KCTD12: variants seen among roughly 807,000 people sequenced by gnomAD.
KCTD12 encodes the protein potassium channel tetramerization domain containing 12, also known as BTB/POZ domain-containing protein KCTD12.
Under a neutral mutation model 22.6 loss-of-function variants are expected in KCTD12, and 16 were observed. That is an observed-to-expected ratio of 0.71 (90% confidence interval 0.48 to 1.07). The LOEUF (loss-of-function observed/expected upper bound fraction) is 1.07, where lower values mean the gene tolerates loss of function less well. KCTD12 is among the 50% of genes least tolerant of loss of function. KCTD12 has a pLI of 0.00. For missense variants in KCTD12, 452 were observed against 469.2 expected, an observed-to-expected ratio of 0.96 and a Z score of 0.34; for synonymous variants, 260 against 228.0, an observed-to-expected ratio of 1.14 and a Z score of -1.26.
rs1025245308 is a variant in KCTD12, at chr13:76,883,233, C to T, written c.*1938G>A. On this transcript the variant is annotated 3_prime_UTR_variant, in exon 1 of 1. Transcript: ENST00000377474. ...CACATGAGTCTAAGAATAAAACTGT[C>T]GATTTGTAACATCTGTATGGACATA... 2.6e-5 allele frequency: 4 copies of T among 152,058 alleles called. No homozygotes were observed. Among genetic ancestry groups the T allele is most frequent in the African/African-American group, 7.2e-5 (3 of 41,390 alleles). The allele number at this position is 152,058 out of a possible 1,614,324, so 9.4% of individuals were successfully genotyped here. A position where few individuals can be genotyped will look rare whatever the true frequency, so the allele number is the denominator to read the frequency against.
chr13:76,885,788 C>G lies in KCTD12; in HGVS notation c.361G>C (p.Glu121Gln), dbSNP rs374062283. Residue 121 changes from glutamate (E) to glutamine (Q), a missense_variant, in exon 1 of 1, where the codon GAG (glutamate) becomes CAG (glutamine). Physicochemically the swap from Glu to Gln is conservative, Grantham distance 29. Transcript: ENST00000377474. The surrounding 1 kb of genome is among the most constrained non-coding windows in gnomAD (Gnocchi z 5.1). ...AGGCGGCGCACGAGCTCTGGCAGCT[C>G]GAAGTACTCGGCCTCGCGCTGCAGC... ...SRLQREAEYF[E>Q]LPELVRRLGA... The G allele has an allele frequency of 3.2e-6, 5 of 1,583,078 alleles. No individual in the cohort carries two copies. The highest frequency in any genetic ancestry group is 3.4e-5 in the Admixed American group (2 of 58,300).
In KCTD12 at chr13:76,884,015, T is replaced by C. The variant is rs1273104836; in HGVS notation, c.*1156A>G. On this transcript the variant is annotated 3_prime_UTR_variant, in exon 1 of 1. Transcript: ENST00000377474. ...GGTAAGAGTAGGTCTGTTATTAATC[T>C]TTATAAAATACTTGGCATGTTTGCA... 6.6e-6 allele frequency: 1 copy of C among 152,664 alleles called. No homozygotes were observed. Among genetic ancestry groups the C allele is most frequent in the African/African-American group, 2.4e-5 (1 of 41,464 alleles). The allele number at this position is 152,664 out of a possible 1,614,324, so 9.5% of individuals were successfully genotyped here. A position where few individuals can be genotyped will look rare whatever the true frequency, so the allele number is the denominator to read the frequency against.
chr13:76,885,282 G>A lies in KCTD12; in HGVS notation c.867C>T (p.Phe289=), dbSNP rs781436981. ...CCGTGGAGCTGCACGCCACCATGTGGAAGCCCGACTCGGACAGCTTGTCGA... is the reference window on the plus strand; with the variant it reads ...CCGTGGAGCTGCACGCCACCATGTGAAAGCCCGACTCGGACAGCTTGTCGA... The part of the protein sequence containing the change: ...QAFDKLSESG[F]HMVACSSTGT... Residue 289 remains phenylalanine, a synonymous_variant, in exon 1 of 1, where the codon TTC becomes TTT. Transcript: ENST00000377474. This position sits in a 1 kb window ranked among gnomAD's most constrained non-coding sequence, Gnocchi z 5.1. The A allele has an allele frequency of 1.2e-6, 2 of 1,613,936 alleles. No individual in the cohort carries two copies. The highest frequency in any genetic ancestry group is 1.7e-5 in the Admixed American group (1 of 59,996).
rs1278289619 is a variant in KCTD12 at position 76,880,821 on chromosome 13, A to C, written c.*4350T>G. The C allele has an allele frequency of 2.0e-5, 3 of 152,664 alleles. No homozygotes were observed. The highest frequency in any genetic ancestry group is 2.0e-4 in the Admixed American group (3 of 15,288). The allele number at this position is 152,664 out of a possible 1,614,324, so 9.5% of individuals were successfully genotyped here. A position where few individuals can be genotyped will look rare whatever the true frequency, so the allele number is the denominator to read the frequency against. On this transcript the variant is annotated 3_prime_UTR_variant, in exon 1 of 1. Transcript: ENST00000377474. Reference sequence around the variant, plus strand: ...TCAAAACACATTTAGAATTTAAAAAAACTGGCTTGGAAAAAAATCACAAAA... The same window carrying C: ...TCAAAACACATTTAGAATTTAAAAACACTGGCTTGGAAAAAAATCACAAAA...
rs1316159469 is a variant in KCTD12, at chr13:76,883,695, C to A, written c.*1476G>T. On this transcript the variant is annotated 3_prime_UTR_variant, in exon 1 of 1. Transcript: ENST00000377474. The stretch of plus-strand genomic sequence containing the variant: ...TGCAGCTCGTCATTTGAAAGGATTC[C>A]ACTTAACTTCAAACAAACTGCATGA... 6.6e-6 allele frequency: 1 copy of A among 152,632 alleles called. No homozygotes were observed. The highest frequency in any genetic ancestry group is 1.9e-4 in the East Asian group (1 of 5,198). The allele number at this position is 152,632 out of a possible 1,614,324, so 9.5% of individuals were successfully genotyped here. A position where few individuals can be genotyped will look rare whatever the true frequency, so the allele number is the denominator to read the frequency against.
At position 76,885,236 on chromosome 13, in the gene KCTD12, T is replaced by G; in HGVS notation, c.913A>C (p.Ser305Arg). The change falls in exon 1 of 1, where the codon AGC becomes CGC. Residue 305 changes from serine to arginine, a missense_variant. This residue lies in a region of KCTD12 where 122 missense variants were observed against 172.8 expected (regional missense o/e 0.71). Transcript: ENST00000377474. This position sits in a 1 kb window ranked among gnomAD's most constrained non-coding sequence, Gnocchi z 5.1. The stretch of plus-strand genomic sequence containing the variant: ...ATCTTGTCCTCGCTCTGGTCGGTGC[T>G]GCTGGCAAAGGCGCAGGTGCCCGTG... The part of the protein sequence containing the change: ...SSTGTCAFAS[S>R]TDQSEDKIWT... The G allele has an allele frequency of 1.2e-6, 2 of 1,614,074 alleles. No individual in the cohort carries two copies. Among genetic ancestry groups the G allele is most frequent in the Non-Finnish European group, 8.5e-7 (1 of 1,180,020 alleles).
rs1555308955 is a variant in KCTD12, at chr13:76,886,270, GCCGCCGCCACCGCCGCCACCGCCA to G, written c.-146_-123del. ...CTCAGCCCTGCGCCCCGCCGCCGCC[GCCGCCGCCACCGCCGCCACCGCCA>G]CCGCCGCCACCTCCTAGAGCCGCGC... On this transcript the variant is annotated 5_prime_UTR_variant, in exon 1 of 1. Coordinates refer to ENST00000377474, the MANE Select transcript of KCTD12 (RefSeq NM_138444.4). The G allele has an allele frequency of 9.5e-5, 111 of 1,162,404 alleles. No homozygotes were observed. The highest frequency in any genetic ancestry group is 3.1e-4 in the Middle Eastern group (1 of 3,218). The allele number at this position is 1,162,404 out of a possible 1,614,324, so 72.0% of individuals were successfully genotyped here.
At position 76,885,583 on chromosome 13, in the gene KCTD12, C is replaced by A. The variant is rs1445175102; in HGVS notation, c.566G>T (p.Gly189Val). ...CGGCGTGAGCAGCGGGCCCGCCGCG[C>A]CCCCGGACGGACTGCGGCTAGCCAG... Reference protein sequence around the residue: ...LELASRSPSGGAAGPLLTPSQ... With the variant: ...LELASRSPSGVAAGPLLTPSQ... The change falls in exon 1 of 1, where the codon GGC (glycine) becomes GTC (valine). Residue 189 changes from glycine to valine, a missense_variant. By Grantham distance (109) the Gly-to-Val change is moderately radical. Around this residue, in one of 2 missense-constraint regions of KCTD12, gnomAD observed 330 missense variants for 296.5 expected, o/e 1.11. Coordinates refer to ENST00000377474, the MANE Select transcript of KCTD12 (RefSeq NM_138444.4). The surrounding 1 kb of genome is among the most constrained non-coding windows in gnomAD (Gnocchi z 5.1). 5 of 1,537,918 alleles carry A rather than the reference C, an allele frequency of 3.3e-6. No homozygotes were observed. Among genetic ancestry groups the A allele is most frequent in the Non-Finnish European group, 4.4e-6 (5 of 1,148,144 alleles).
chr13:76,885,582 GC>G lies in KCTD12; in HGVS notation c.566del (p.Gly189AlafsTer65). On this transcript the variant is annotated frameshift_variant, in exon 1 of 1. Coordinates refer to ENST00000377474, the MANE Select transcript of KCTD12 (RefSeq NM_138444.4). LOFTEE classifies it high-confidence loss of function. The surrounding 1 kb of genome is among the most constrained non-coding windows in gnomAD (Gnocchi z 5.1). The part of the protein sequence containing the change: ...LELASRSPSG[G>X]AAGPLLTPSQ... Reference sequence around the variant, plus strand: ...ACGGCGTGAGCAGCGGGCCCGCCGCGCCCCCGGACGGACTGCGGCTAGCCAG... The same window carrying G: ...ACGGCGTGAGCAGCGGGCCCGCCGCGCCCCGGACGGACTGCGGCTAGCCAG... The G allele has an allele frequency of 6.5e-7, 1 of 1,536,684 alleles. No homozygotes were observed.
rs763213974 is a variant in KCTD12, at chr13:76,885,859, C to T, written c.290G>A (p.Arg97Gln). The T allele has an allele frequency of 2.5e-6, 4 of 1,596,938 alleles. No homozygotes were observed. The highest frequency in any genetic ancestry group is 3.4e-6 in the Non-Finnish European group (4 of 1,179,364). The change falls in exon 1 of 1, where the codon CGG (arginine) becomes CAG (glutamine). Residue 97 changes from arginine (R) to glutamine (Q), a missense_variant. Arg to Gln is a conservative substitution (Grantham distance 43). Transcript: ENST00000377474. The surrounding 1 kb of genome is among the most constrained non-coding windows in gnomAD (Gnocchi z 5.1). ...GTCGGGCAGCACGAGCTGCAAGTCC[C>T]GCAGGTAATCCAGGATGTAGCGGAA... ...FLFRYILDYL[R>Q]DLQLVLPDYF...
rs6835 is a variant in KCTD12 at position 76,880,346 on chromosome 13, A to G, written c.*4825T>C. ...TCTTTATAGCATTAGATGGTTGAAG[A>G]AATTCTCAAAGTTTGGGCATGTCTG... On this transcript the variant is annotated 3_prime_UTR_variant, in exon 1 of 1. Transcript: ENST00000377474. The G allele has an allele frequency of 0.14, 21,889 of 152,644 alleles. 2,652 individuals are homozygous for G. The highest frequency in any genetic ancestry group is 0.31 in the African/African-American group (13,000 of 41,512). The allele number at this position is 152,644 out of a possible 1,614,324, so 9.5% of individuals were successfully genotyped here.
rs535774146 is a variant in KCTD12, at chr13:76,886,110, C to G, written c.39G>C (p.Gly13=). The G allele has an allele frequency of 6.3e-5, 97 of 1,539,506 alleles. No individual in the cohort carries two copies. In the South Asian group the frequency reaches 1.1e-3, roughly 18 times the overall value. Residue 13 remains glycine, a synonymous_variant, in exon 1 of 1, where the codon GGG becomes GGC. Transcript: ENST00000377474. ...LADSTRGLPN[G]GGGGGGSGSS... is the part of the protein sequence containing the mutation. Reference sequence around the variant, plus strand: ...AGCCACTGCCGCCCCCGCCGCCGCCCCCGTTGGGTAATCCACGTGTGCTGT... The same window carrying G: ...AGCCACTGCCGCCCCCGCCGCCGCCGCCGTTGGGTAATCCACGTGTGCTGT...
At position 76,880,324 on chromosome 13, in the gene KCTD12, T is replaced by C. The variant is rs544968684; in HGVS notation, c.*4847A>G. 5 of 152,766 alleles carry C rather than the reference T, an allele frequency of 3.3e-5. No homozygotes were observed. The South Asian group carries it at 1.0e-3, about 32-fold the overall frequency. The allele number at this position is 152,766 out of a possible 1,614,324, so 9.5% of individuals were successfully genotyped here. A position where few individuals can be genotyped will look rare whatever the true frequency, so the allele number is the denominator to read the frequency against. Reference sequence around the variant, plus strand: ...TTGTGAACAGGAAGAACAAAAATCTTTATAGCATTAGATGGTTGAAGAAAT... The same window carrying C: ...TTGTGAACAGGAAGAACAAAAATCTCTATAGCATTAGATGGTTGAAGAAAT... On this transcript the variant is annotated 3_prime_UTR_variant, in exon 1 of 1. Coordinates refer to ENST00000377474, the MANE Select transcript of KCTD12 (RefSeq NM_138444.4).
chr13:76,885,759 C>T lies in KCTD12; in HGVS notation c.390G>A (p.Gly130=). 6.6e-7 allele frequency: 1 copy of T among 1,516,014 alleles called. No homozygotes were observed. The highest frequency in any genetic ancestry group is 8.8e-7 in the Non-Finnish European group (1 of 1,142,342). The allele number at this position is 1,516,014 out of a possible 1,614,324, so 93.9% of individuals were successfully genotyped here. Residue 130 remains glycine, a synonymous_variant, in exon 1 of 1, where the codon GGG becomes GGA. Coordinates refer to ENST00000377474, the MANE Select transcript of KCTD12 (RefSeq NM_138444.4). The surrounding 1 kb of genome is among the most constrained non-coding windows in gnomAD (Gnocchi z 5.1). ...GCCCCGGGCCGGGCTGCTGGGGCGC[C>T]CCGAGGCGGCGCACGAGCTCTGGCA... ...FELPELVRRL[G]APQQPGPGPP...
In KCTD12 at chr13:76,882,253, CTAAAAA is replaced by C. The variant is rs1263610553; in HGVS notation, c.*2912_*2917del. On this transcript the variant is annotated 3_prime_UTR_variant, in exon 1 of 1. Coordinates refer to ENST00000377474, the MANE Select transcript of KCTD12 (RefSeq NM_138444.4). ...TTTTCTTCACAGCCTTTACTTTAGG[CTAAAAA>C]TAGACAGTTTTCTTGTATTGACTTT... 1 of 152,058 alleles carries C rather than the reference CTAAAAA, an allele frequency of 6.6e-6. No individual in the cohort carries two copies. The highest frequency in any genetic ancestry group is 1.5e-5 in the Non-Finnish European group (1 of 68,010). The allele number at this position is 152,058 out of a possible 1,614,324, so 9.4% of individuals were successfully genotyped here. A position where few individuals can be genotyped will look rare whatever the true frequency, so the allele number is the denominator to read the frequency against.
At position 76,886,346 on chromosome 13, in the gene KCTD12, TGTG is replaced by T; in HGVS notation, c.-201_-199del. 2.2e-6 allele frequency: 1 copy of T among 459,118 alleles called. No individual in the cohort carries two copies. Among genetic ancestry groups the T allele is most frequent in the Non-Finnish European group, 3.2e-6 (1 of 309,120 alleles). 28.4% of individuals were successfully genotyped at this position (459,118 alleles called of 1,614,324 possible). A position where few individuals can be genotyped will look rare whatever the true frequency, so the allele number is the denominator to read the frequency against. On this transcript the variant is annotated 5_prime_UTR_variant, in exon 1 of 1. Coordinates refer to ENST00000377474, the MANE Select transcript of KCTD12 (RefSeq NM_138444.4). ...GAGCCGAGCGGTGCGAGCGCGCCGC[TGTG>T]CGCCCCCTTGAGTTCCAGTGCGCTC...
rs1365402494 is a variant in KCTD12 at position 76,883,214 on chromosome 13, A to G, written c.*1957T>C. The G allele has an allele frequency of 6.6e-6, 1 of 152,248 alleles. No individual in the cohort carries two copies. Among genetic ancestry groups the G allele is most frequent in the Non-Finnish European group, 1.5e-5 (1 of 68,050 alleles). 9.4% of individuals were successfully genotyped at this position (152,248 alleles called of 1,614,324 possible). On this transcript the variant is annotated 3_prime_UTR_variant, in exon 1 of 1. Coordinates refer to ENST00000377474, the MANE Select transcript of KCTD12 (RefSeq NM_138444.4). ...TGGTATATACAGCTTGGATCACATG[A>G]GTCTAAGAATAAAACTGTCGATTTG...
Position 76,886,049 on chromosome 13 carries a change from C to A in KCTD12, c.100G>T (p.Asp34Tyr), listed in dbSNP as rs865778397. ...CCCCCCACGTTCAGCTCCACGATGT[C>A]GGGGAAGAGCGGTGGCTCCGCGGAG... ...SSSAEPPLFP[D>Y]IVELNVGGQV... The change falls in exon 1 of 1, where the codon GAC (aspartate) becomes TAC (tyrosine). Residue 34 changes from aspartate (D) to tyrosine (Y), a missense_variant. By Grantham distance (160) the Asp-to-Tyr change is radical. Around this residue, in one of 2 missense-constraint regions of KCTD12, gnomAD observed 330 missense variants for 296.5 expected, o/e 1.11. Transcript: ENST00000377474. The A allele has an allele frequency of 6.3e-7, 1 of 1,574,814 alleles. No homozygotes were observed. The highest frequency in any genetic ancestry group is 8.6e-7 in the Non-Finnish European group (1 of 1,163,306).
Position 76,886,228 on chromosome 13 carries a change from CGGAACCCG to C in KCTD12, c.-88_-81del, listed in dbSNP as rs1455160110. On this transcript the variant is annotated 5_prime_UTR_variant, in exon 1 of 1. Transcript: ENST00000377474. ...GCTGCAACCGCCTTCCCCGGAGCCCCGGAACCCGGACGCTCGCTCAGCCCTGCGCCCCG... is the reference window on the plus strand; with the variant it reads ...GCTGCAACCGCCTTCCCCGGAGCCCCGACGCTCGCTCAGCCCTGCGCCCCG... 55 of 1,375,600 alleles carry C rather than the reference CGGAACCCG, an allele frequency of 4.0e-5. 1 individual carries two copies. The highest frequency in any genetic ancestry group is 5.0e-5 in the Non-Finnish European group (54 of 1,072,634). The allele number at this position is 1,375,600 out of a possible 1,614,324, so 85.2% of individuals were successfully genotyped here. A position where few individuals can be genotyped will look rare whatever the true frequency, so the allele number is the denominator to read the frequency against.
Sources: allele counts gnomAD v4.1 joint callset, GRCh38; gene constraint gnomAD v4.1.1; regional missense constraint gnomAD v4.1.1; non-coding constraint Gnocchi (gnomAD v3.1); transcripts MANE v1.5; gene names NCBI Gene and HGNC (gene_info 2026-07-23, HGNC 2026-07-21).